Variants in COXFA4L2 observed in about 807,000 individuals in gnomAD.
The protein encoded by COXFA4L2 is NADH dehydrogenase (ubiquinone) 1 alpha subcomplex, 4-like 2.
At chr12:57,237,718 A>C in the COXFA4L2 span, 1 of 155,444 alleles carries the variant, frequency 6.4e-6, no homozygotes, top group Non-Finnish European at 1.4e-5. Context: ...GTGTATGTTA[A>C]TCATGGCTCA....
chr12:57,236,639 C>A, the COXFA4L2 span: 1 of 1,582,988 alleles, frequency 6.3e-7, no homozygotes, highest in Non-Finnish European at 8.6e-7. Context: ...TAAAGCGCAG[C>A]GCTGCCCATG....
At chr12:57,235,705 G>A in the COXFA4L2 span, 1 of 1,611,666 alleles carries the variant, frequency 6.2e-7, no homozygotes, top group East Asian at 2.2e-5. Context: ...CCAGGACCAG[G>A]AGATAAGAGG....
chr12:57,236,083 C>G, the COXFA4L2 span: 1 of 395,748 alleles, frequency 2.5e-6, no homozygotes, highest in East Asian at 3.7e-5. Flanking sequence ...TGCCTGCCAC[C>G]CTAGGTTAAC....
the COXFA4L2 span, chr12:57,236,093 C>A: frequency 5.1e-6 from 2 of 388,610 alleles, no homozygotes; most frequent in Non-Finnish European, 9.2e-6. Flanking sequence ...CCTAGGTTAA[C>A]CCTAAGAGCA....
At chr12:57,235,163 G>A in the COXFA4L2 span, 1 of 231,990 alleles carries the variant, frequency 4.3e-6, no homozygotes, top group African/African-American at 2.3e-5. Flanking sequence ...TCAGAGCCTG[G>A]GCTAACGTGG....
At chr12:57,235,594 TTA>T in the COXFA4L2 span, 1 of 1,614,132 alleles carries the variant, frequency 6.2e-7, no homozygotes, top group Non-Finnish European at 8.5e-7. Context: ...CTTCAGCTTC[TTA>T]TAGTCAGTGG....
chr12:57,238,638 G>C, the COXFA4L2 span, among the ~76,000 whole-genome samples: 1 of 152,178 alleles, frequency 6.6e-6, no homozygotes, highest in Admixed American at 6.5e-5. This position sits in a 1 kb window ranked among gnomAD's most constrained non-coding sequence, Gnocchi z 6.8. Context: ...CCAGGACGCC[G>C]GAAGGGGCGC....
At chr12:57,235,468 G>A in the COXFA4L2 span, 1 of 1,334,910 alleles carries the variant, frequency 7.5e-7, no homozygotes, top group Non-Finnish European at 1.1e-6. Context: ...GGGACAGGGT[G>A]GCCGGAGTGA....
chr12:57,236,327 T>A, the COXFA4L2 span: 2 of 478,280 alleles, frequency 4.2e-6, no homozygotes, highest in South Asian at 3.7e-5. Flanking sequence ...AGCCCACCGC[T>A]GGCTGAGCGG....
chr12:57,235,234 G>C, the COXFA4L2 span: 2 of 393,648 alleles, frequency 5.1e-6, no homozygotes, highest in Non-Finnish European at 9.4e-6. Context: ...CGTAGGCCAC[G>C]CTCAACACGT....
the COXFA4L2 span, chr12:57,236,078 G>A: frequency 2.5e-6 from 1 of 398,030 alleles, no homozygotes; most frequent in Non-Finnish European, 4.5e-6. Context: ...CTTGCTGCCT[G>A]CCACCCTAGG....
the COXFA4L2 span, chr12:57,240,675 A>T: frequency 2.0e-6 from 2 of 985,476 alleles, no homozygotes; most frequent in Non-Finnish European, 2.4e-6. Context: ...TGAGACACAC[A>T]TACCTGCAGG....
the COXFA4L2 span, chr12:57,235,754 A>C: frequency 1.3e-6 from 2 of 1,593,856 alleles, no homozygotes; most frequent in South Asian, 2.2e-5. Flanking sequence ...GGTACCTTGT[A>C]TTGGTCATTG....
At chr12:57,235,636 A>T in the COXFA4L2 span, 1 of 1,614,114 alleles carries the variant, frequency 6.2e-7, no homozygotes, top group Non-Finnish European at 8.5e-7. Context: ...GGAGAGGGAA[A>T]GGGGGTTGCG....
At chr12:57,236,989 A>G in the COXFA4L2 span, 1 of 1,612,636 alleles carries the variant, frequency 6.2e-7, no homozygotes, top group Non-Finnish European at 8.5e-7. Context: ...GGGCAGCAGG[A>G]GAGTTAGGAG....
At chr12:57,235,280 G>T in the COXFA4L2 span, 1 of 556,130 alleles carries the variant, frequency 1.8e-6, no homozygotes, top group Non-Finnish European at 3.2e-6. Context: ...CGGGTAGGAG[G>T]GCAGAGGGGC....
the COXFA4L2 span, chr12:57,235,283 A>G: frequency 1.8e-6 from 1 of 557,792 alleles, no homozygotes; most frequent in Non-Finnish European, 3.2e-6. Flanking sequence ...GTAGGAGGGC[A>G]GAGGGGCTGG....
the COXFA4L2 span, chr12:57,235,657 C>A: frequency 6.2e-7 from 1 of 1,613,776 alleles, no homozygotes; most frequent in South Asian, 1.1e-5. Context: ...CTGAGTACCC[C>A]AAGCCTCCCT....
chr12:57,235,458 G>A, the COXFA4L2 span: 18 of 1,236,844 alleles, frequency 1.5e-5, no homozygotes, highest in East Asian at 1.2e-4. Flanking sequence ...AAGCAGTAGC[G>A]GGACAGGGTG....
Sources: allele counts gnomAD v4.1 joint callset (sites outside exome capture counted in the v4.1 genomes callset), GRCh38; gene constraint gnomAD v4.1.1; non-coding constraint Gnocchi (gnomAD v3.1); transcripts MANE v1.5; gene names NCBI Gene and HGNC (gene_info 2026-07-23, HGNC 2026-07-21).